The following GSE1 variants were observed in gnomAD, a reference collection of about 807,000 sequenced individuals.
GSE1 encodes genetic suppressor element 1.
Under a neutral mutation model 112.6 loss-of-function variants are expected in GSE1, and 32 were observed. That is an observed-to-expected ratio of 0.28 (90% CI 0.21 to 0.38). GSE1 has a LOEUF of 0.38. GSE1 is among the 10% of genes least tolerant of loss of function. GSE1 has a pLI of 1.00. For missense variants in GSE1, 2,348 were observed against 1,699.2 expected, an observed-to-expected ratio of 1.38 and a Z score of -6.71; for synonymous variants, 1,115 against 735.6, an observed-to-expected ratio of 1.52 and a Z score of -8.35.
At chr16:85,219,186 G>A (rs2075352381) in intron 1 of GSE1, among the ~76,000 whole-genome samples, 1 of 151,446 alleles carries the variant, frequency 6.6e-6, no homozygotes, top group Non-Finnish European at 1.5e-5. Context: ...CCTAATTTTT[G>A]TATTTTTAGT....
chr16:85,661,865 T>G (rs1416754600), intron 9 of GSE1, 100 bp downstream of exon 9: 2 of 1,241,042 alleles, frequency 1.6e-6, no homozygotes, highest in Admixed American at 2.9e-5. Flanking sequence ...CCACTCCTGC[T>G]TTTTGCCTGG....
At chr16:85,381,871 G>T (rs527951335) in intron 2 of GSE1, among the ~76,000 whole-genome samples, 126 of 152,362 alleles carry the variant, frequency 8.3e-4, no homozygotes, top group African/African-American at 2.7e-3. Context: ...GCCTCTCCCT[G>T]TCAGGGTCCC....
rs573209105 is a variant in GSE1 at position 85,346,101 on chromosome 16, C to T, written c.2284-11362C>T. Among the ~76,000 whole-genome samples the T allele has an allele frequency of 9.6e-4, 78 of 81,670 alleles. No homozygotes were observed. In the South Asian group the frequency reaches 0.018, roughly 19 times the overall value. 53.6% of individuals were successfully genotyped at this position (81,670 alleles called of 152,430 possible). A position where few individuals can be genotyped will look rare whatever the true frequency, so the allele number is the denominator to read the frequency against. On this transcript the variant is annotated intron_variant, in intron 1 of 2. Transcript: ENST00000637419. ...ATGGATGCATAGATGGAGGGGCGGG[C>T]GGGTGGATGATGGATGGATGGATGA...
At chr16:85,577,832 C>G (rs182776077) in intron 1 of GSE1, among the ~76,000 whole-genome samples, 29 of 152,358 alleles carry the variant, frequency 1.9e-4, no homozygotes, top group Admixed American at 7.8e-4. Context: ...CTTTTCCACT[C>G]CAGTCCTCCA....
intron 1 of GSE1, among the ~76,000 whole-genome samples, chr16:85,590,466 T>A (rs1020427772): frequency 1.3e-5 from 2 of 151,016 alleles, no homozygotes; most frequent in African/African-American, 4.9e-5. Flanking sequence ...TGTGAGCGTG[T>A]GTGACATCTT....
chr16:85,626,307 A>G (rs1245684173), intron 1 of GSE1, among the ~76,000 whole-genome samples: 1 of 152,172 alleles, frequency 6.6e-6, no homozygotes, highest in Non-Finnish European at 1.5e-5. Flanking sequence ...ATTTATCATG[A>G]AGCCGCCCAG....
intron 2 of GSE1, among the ~76,000 whole-genome samples, chr16:85,414,698 G>A (rs746142057): frequency 6.6e-6 from 1 of 152,172 alleles, no homozygotes; most frequent in Non-Finnish European, 1.5e-5. Flanking sequence ...GCAATGTTGC[G>A]ATCTTGGCTC....
Position 85,663,415 on chromosome 16 carries a change from G to A in GSE1, c.2445G>A (p.Arg815=). 6.2e-7 allele frequency: 1 copy of A among 1,613,936 alleles called. No homozygotes were observed. Among genetic ancestry groups the A allele is most frequent in the African/African-American group, 1.3e-5 (1 of 75,048 alleles). ...AGGAGGAATTGGTGGCCCAGAAGCG[G>A]AGGAAGCGGCGGAGGATGCTGCGAG... ...QQKEELVAQK[R]RKRRRMLRER... The change falls in exon 11 of 16, where the codon CGG becomes CGA. Residue 815 remains arginine (R), a synonymous_variant. Coordinates refer to ENST00000253458, the MANE Select transcript of GSE1 (RefSeq NM_014615.5).
chr16:85,363,132 C>A (rs746903686), intron 2 of GSE1, among the ~76,000 whole-genome samples: 1 of 152,298 alleles, frequency 6.6e-6, no homozygotes, highest in East Asian at 1.9e-4. Flanking sequence ...CCACCGCACC[C>A]GCTGGATATC....
intron 2 of GSE1, among the ~76,000 whole-genome samples, chr16:85,532,594 C>A (rs909410121): frequency 1.3e-5 from 2 of 152,106 alleles, no homozygotes; most frequent in Admixed American, 1.3e-4. Context: ...CTGATTACTG[C>A]CCTACATGCC....
intron 14 of GSE1, among the ~76,000 whole-genome samples, chr16:85,669,374 C>A (rs2053142972): frequency 6.6e-6 from 1 of 152,214 alleles, no homozygotes; most frequent in Non-Finnish European, 1.5e-5. Context: ...ATGTCAGCCA[C>A]TTCAAATACT....
chr16:85,250,299 C>T (rs889579498), intron 1 of GSE1, among the ~76,000 whole-genome samples: 4 of 152,348 alleles, frequency 2.6e-5, no homozygotes, highest in East Asian at 3.9e-4. Context: ...GTTCTCGTGG[C>T]GCCCTGTTTG....
chr16:85,648,970 C>T (rs1407455314), intron 3 of GSE1, among the ~76,000 whole-genome samples: 3 of 152,154 alleles, frequency 2.0e-5, no homozygotes, highest in African/African-American at 7.2e-5. Context: ...ATCAGTCTGT[C>T]AGAAGAAACC....
rs552819151 is a variant in GSE1, at chr16:85,499,468, G to T, written c.2465-134446G>T. Among the ~76,000 whole-genome samples, 6 of 151,800 alleles carry T rather than the reference G, an allele frequency of 4.0e-5. 1 individual carries two copies. The South Asian group carries it at 1.0e-3, about 26-fold the overall frequency. On this transcript the variant is annotated intron_variant, in intron 2 of 2. Transcript: ENST00000637419. ...TGTGACTACAGGCACCCGCCACCAC[G>T]CCCGGCTAATTTTTTGTATTTTTAG...
At chr16:85,663,254 A>G (rs193086456) in intron 10 of GSE1, 90 bp from the exon 11 acceptor site, 1 of 1,456,324 alleles carries the variant, frequency 6.9e-7, no homozygotes, top group Middle Eastern at 2.1e-4. Context: ...TACGGCCCAC[A>G]CTTCGAGGAC....
chr16:85,443,692 C>T (rs1201998814), intron 2 of GSE1, among the ~76,000 whole-genome samples: 3 of 152,224 alleles, frequency 2.0e-5, no homozygotes, highest in African/African-American at 4.8e-5. Context: ...CATCCCCACC[C>T]ACCTGCCTTC....
At chr16:85,365,966 A>G (rs2151588565) in intron 2 of GSE1, among the ~76,000 whole-genome samples, 1 of 152,360 alleles carries the variant, frequency 6.6e-6, no homozygotes, top group South Asian at 2.1e-4. Flanking sequence ...TCCACATCAG[A>G]TGCTTGCCTG....
intron 2 of GSE1, among the ~76,000 whole-genome samples, chr16:85,392,860 C>T (rs968563437): frequency 2.6e-5 from 4 of 152,184 alleles, no homozygotes; most frequent in African/African-American, 4.8e-5. Flanking sequence ...TGGCTGACCC[C>T]GAATGTGCGG....
chr16:85,335,619 G>A (rs969632175), intron 1 of GSE1, among the ~76,000 whole-genome samples: 3 of 152,174 alleles, frequency 2.0e-5, no homozygotes, highest in East Asian at 1.9e-4. Context: ...AAAGGTGCCC[G>A]GCTCCTCCCA....
Sources: gnomAD v4.1 joint callset for allele counts (sites outside exome capture counted in the v4.1 genomes callset) on GRCh38, gnomAD v4.1.1 for gene constraint, MANE v1.5 for transcripts, NCBI Gene and HGNC (gene_info 2026-07-23, HGNC 2026-07-21) for gene names.